PPP6R2: variants seen among roughly 807,000 people sequenced by gnomAD.
PPP6R2 encodes serine/threonine-protein phosphatase 6 regulatory subunit 2.
A neutral mutation model predicts 100.2 loss-of-function variants in PPP6R2; 62 were observed. The ratio of observed to expected loss-of-function variants is 0.62; its 90% CI spans 0.50 to 0.76. The LOEUF (loss-of-function observed/expected upper bound fraction) is 0.76. PPP6R2 is among the 30% of genes least tolerant of loss of function. The probability of loss-of-function intolerance (pLI) is 0.00; values close to 1 mark genes in which losing one functional copy is unlikely to be tolerated. For synonymous variants in PPP6R2, 525 were observed against 514.7 expected, an observed-to-expected ratio of 1.02 and a Z score of -0.27; for missense variants, 1,142 against 1,276.3, an observed-to-expected ratio of 0.89 and a Z score of 1.60.
chr22:50,404,734 G>A lies in PPP6R2; in HGVS notation c.228-1955G>A, dbSNP rs182596245. Among the ~76,000 whole-genome samples the A allele has an allele frequency of 2.7e-3, 411 of 151,366 alleles. 3 individuals are homozygous for A. The highest frequency in any genetic ancestry group is 4.5e-3 in the Non-Finnish European group (309 of 67,946). On this transcript the variant is annotated intron_variant, in intron 3 of 23. Transcript: ENST00000612753. ...GTTATAGGTGTAAGCCACCGTGCCC[G>A]TCCTTACCTGCACGTTCAGATGAGA... is the stretch of plus-strand genomic sequence containing the variant.
At chr22:50,437,143 A>G in intron 15 of PPP6R2, 75 bp downstream of exon 15, 2 of 1,384,502 alleles carry the variant, frequency 1.4e-6, no homozygotes, top group South Asian at 1.2e-5. Context: ...GGTCCTCCAG[A>G]CGAGTCTGAT....
At chr22:50,394,218 T>G in intron 3 of PPP6R2, 83 bp downstream of exon 3, 2 of 1,543,786 alleles carry the variant, frequency 1.3e-6, no homozygotes, top group South Asian at 1.2e-5. Flanking sequence ...TGGCCATAGT[T>G]GGGGATTTCT....
chr22:50,388,976 T>C (rs2054857968), intron 2 of PPP6R2: 1 of 152,184 alleles, frequency 6.6e-6, no homozygotes, highest in South Asian at 2.1e-4. Flanking sequence ...CAGAATGTTG[T>C]TTTTTAAAGG....
intron 15 of PPP6R2, 150 bp downstream of exon 15, chr22:50,437,218 G>C (rs1261193394): frequency 1.2e-6 from 1 of 814,246 alleles, no homozygotes; most frequent in East Asian, 2.7e-5. Flanking sequence ...GGGTGGGTCT[G>C]AAGGGAGAAC....
At chr22:50,349,054 G>A (rs2044383541) in intron 1 of PPP6R2, among the ~76,000 whole-genome samples, 1 of 151,926 alleles carries the variant, frequency 6.6e-6, no homozygotes, top group South Asian at 2.1e-4. Flanking sequence ...AACTAGCCAG[G>A]CATGGTGGTG....
intron 22 of PPP6R2, among the ~76,000 whole-genome samples, chr22:50,441,526 G>T (rs2065618361): frequency 1.3e-5 from 2 of 152,204 alleles, no homozygotes; most frequent in African/African-American, 4.8e-5. Context: ...TTCCACGGGA[G>T]GCCTATGATT....
intron 4 of PPP6R2, among the ~76,000 whole-genome samples, chr22:50,413,974 G>GC (rs553408412): frequency 2.3e-4 from 35 of 152,186 alleles, no homozygotes; most frequent in African/African-American, 7.0e-4. Flanking sequence ...TGGGTGCTGT[G>GC]CCCCCCCATG....
At chr22:50,437,480 T>TCCCCA in intron 15 of PPP6R2, 26 bp from the exon 16 acceptor site, 1 of 728,376 alleles carries the variant, frequency 1.4e-6, no homozygotes. Flanking sequence ...TGTCTGTCCG[T>TCCCCA]CCCTCCCTCC....
chr22:50,392,946 T>C (rs2055950741), intron 2 of PPP6R2, among the ~76,000 whole-genome samples: 1 of 152,254 alleles, frequency 6.6e-6, no homozygotes, highest in African/African-American at 2.4e-5. Flanking sequence ...ACTATTACTA[T>C]AATTTTTAAA....
intron 10 of PPP6R2, among the ~76,000 whole-genome samples, chr22:50,427,357 A>G (rs73441439): frequency 0.028 from 4,204 of 152,180 alleles, 199 homozygotes; most frequent in African/African-American, 0.097. Flanking sequence ...TTCTTTTTCC[A>G]GATTGTTTTG....
chr22:50,406,592 C>T (rs754402582), intron 3 of PPP6R2, 97 bp from the exon 4 acceptor site: 22 of 1,126,102 alleles, frequency 2.0e-5, no homozygotes, highest in Non-Finnish European at 2.7e-5. Context: ...TGTTTGATCA[C>T]GTGGGTCTGC....
chr22:50,367,463 G>A (rs569744453), intron 1 of PPP6R2, among the ~76,000 whole-genome samples: 7 of 152,142 alleles, frequency 4.6e-5, no homozygotes, highest in African/African-American at 9.6e-5. Flanking sequence ...TGATGTTGCC[G>A]GGGGAGCAGT....
At chr22:50,351,061 A>G (rs1194620025) in intron 1 of PPP6R2, among the ~76,000 whole-genome samples, 27 of 86,526 alleles carry the variant, frequency 3.1e-4, no homozygotes, top group Non-Finnish European at 1.0e-4. Flanking sequence ...TTTTTTTGAG[A>G]CAGAGTTTCA....
At chr22:50,386,638 G>C (rs1027325192) in intron 2 of PPP6R2, among the ~76,000 whole-genome samples, 1 of 152,132 alleles carries the variant, frequency 6.6e-6, no homozygotes, top group Non-Finnish European at 1.5e-5. Context: ...GCCTTCCTCA[G>C]CTTGTGGCTT....
At chr22:50,440,659 C>T (rs2065369552) in intron 21 of PPP6R2, 163 bp from the exon 22 acceptor site, 6 of 746,180 alleles carry the variant, frequency 8.0e-6, no homozygotes, top group South Asian at 1.7e-5. Context: ...ATGGCAGGTG[C>T]GTGAGCCTGT....
the PPP6R2 span, among the ~76,000 whole-genome samples, chr22:50,337,645 AGT>A: frequency 1.0e-4 from 7 of 69,044 alleles, no homozygotes; most frequent in Admixed American, 2.8e-4. Flanking sequence ...GTGTGGGTAT[AGT>A]GTGTGTGTGG....
chr22:50,427,963 GCCC>G (rs2062482798), intron 10 of PPP6R2, among the ~76,000 whole-genome samples: 1 of 152,114 alleles, frequency 6.6e-6, no homozygotes, highest in Non-Finnish European at 1.5e-5. Context: ...CTCGTGATCC[GCCC>G]ACCTTGGCCT....
intron 8 of PPP6R2, 141 bp from the exon 9 acceptor site, chr22:50,422,113 C>G (rs530083835): frequency 2.9e-6 from 3 of 1,036,672 alleles, no homozygotes; most frequent in Non-Finnish European, 4.1e-6. Flanking sequence ...TGTGGAGACG[C>G]TGGGTAGCTG....
chr22:50,331,238 GCTT>G, the PPP6R2 span, among the ~76,000 whole-genome samples: 1 of 151,730 alleles, frequency 6.6e-6, no homozygotes, highest in African/African-American at 2.4e-5. Context: ...TCCAGTGTTT[GCTT>G]ATTATGACTC....
Sources: gnomAD v4.1 joint callset for allele counts (sites outside exome capture counted in the v4.1 genomes callset) on GRCh38, gnomAD v4.1.1 for gene constraint, MANE v1.5 for transcripts, NCBI Gene and HGNC (gene_info 2026-07-23, HGNC 2026-07-21) for gene names.